The following NMNAT2 variants were observed in gnomAD, a reference collection of about 807,000 sequenced individuals.
The protein encoded by NMNAT2 is nicotinamide nucleotide adenylyltransferase 2.
In NMNAT2, 11 loss-of-function variants were observed where a neutral mutation model predicts 41.6. That is an observed-to-expected ratio of 0.26 (90% CI 0.17 to 0.44). NMNAT2 has a LOEUF of 0.44. Among genes scored for constraint, NMNAT2 ranks in the 20% least tolerant of loss-of-function variants. NMNAT2 has a pLI of 1.00. For synonymous variants in NMNAT2, 148 were observed against 151.2 expected (o/e 0.98, Z 0.16); for missense variants, 288 against 407.7 (o/e 0.71, Z 2.53).
intron 8 of NMNAT2, among the ~76,000 whole-genome samples, chr1:183,263,786 T>C (rs1452668675): frequency 6.9e-6 from 1 of 145,754 alleles, no homozygotes; most frequent in Non-Finnish European, 1.5e-5. Flanking sequence ...CCAGCCTGGG[T>C]GACAGAGCGA....
intron 8 of NMNAT2, among the ~76,000 whole-genome samples, chr1:183,261,641 T>G (rs1038486832): frequency 1.3e-5 from 2 of 152,194 alleles, no homozygotes; most frequent in African/African-American, 4.8e-5. Context: ...ATGAATGACA[T>G]TGCGTCCTTA....
At chr1:183,370,005 A>T (rs916257737) in intron 1 of NMNAT2, among the ~76,000 whole-genome samples, 1 of 152,040 alleles carries the variant, frequency 6.6e-6, no homozygotes, top group South Asian at 2.1e-4. Flanking sequence ...CCGCTAGGTC[A>T]TGCTAAAGAG....
intron 1 of NMNAT2, among the ~76,000 whole-genome samples, chr1:183,383,678 G>A (rs183104235): frequency 1.3e-5 from 2 of 152,234 alleles, no homozygotes; most frequent in East Asian, 3.9e-4. Context: ...AAATCCCTAG[G>A]GCAGGGGCAC....
At chr1:183,401,573 C>T (rs1364384568) in intron 1 of NMNAT2, among the ~76,000 whole-genome samples, 1 of 151,968 alleles carries the variant, frequency 6.6e-6, no homozygotes, top group Non-Finnish European at 1.5e-5. Flanking sequence ...GGGTGTATAC[C>T]CAAAGGAATA....
chr1:183,315,778 TAAAAA>T (rs11454305), intron 1 of NMNAT2, among the ~76,000 whole-genome samples: 1 of 125,916 alleles, frequency 7.9e-6, no homozygotes. Flanking sequence ...AGACTCCGTG[TAAAAA>T]AAAAAAAAAA....
chr1:183,312,869 G>A (rs1163971623), intron 1 of NMNAT2, among the ~76,000 whole-genome samples: 1 of 152,198 alleles, frequency 6.6e-6, no homozygotes, highest in Non-Finnish European at 1.5e-5. Flanking sequence ...GCATGGACAG[G>A]TTCAACTGCA....
chr1:183,378,119 C>T (rs10911321), intron 1 of NMNAT2, among the ~76,000 whole-genome samples: 23,098 of 152,042 alleles, frequency 0.15, 1,969 homozygotes, highest in South Asian at 0.25. Context: ...AGTCTGGGTG[C>T]GGTGGCTCAC....
chr1:183,275,473 C>T (rs1661099020), intron 8 of NMNAT2, among the ~76,000 whole-genome samples: 1 of 151,726 alleles, frequency 6.6e-6, no homozygotes, highest in Non-Finnish European at 1.5e-5. Flanking sequence ...CTGAAGCAAG[C>T]TTGGGAGTCT....
At chr1:183,293,821 A>G (rs773091691) in intron 1 of NMNAT2, 28 bp from the exon 2 acceptor site, 3 of 1,513,538 alleles carry the variant, frequency 2.0e-6, no homozygotes, top group Non-Finnish European at 2.8e-6. Flanking sequence ...CCCACACATT[A>G]TAAAGAGGAA....
rs750132470 is a variant in NMNAT2 at position 183,394,096 on chromosome 1, C to T, written c.85+24087G>A. On this transcript the variant is annotated intron_variant, in intron 1 of 10. Transcript: ENST00000287713. ...GTTGATGAGAAGCATAGCAAGTGAGCTATGTTTGAGATGCCCACTAATAAC... is the reference window on the plus strand; with the variant it reads ...GTTGATGAGAAGCATAGCAAGTGAGTTATGTTTGAGATGCCCACTAATAAC... Among the ~76,000 whole-genome samples, 12 of 152,190 alleles carry T rather than the reference C, an allele frequency of 7.9e-5. No individual in the cohort carries two copies. In the East Asian group the frequency reaches 2.3e-3, roughly 29 times the overall value.
intron 8 of NMNAT2, among the ~76,000 whole-genome samples, chr1:183,269,915 G>C (rs941729156): frequency 6.6e-6 from 1 of 151,826 alleles, no homozygotes; most frequent in African/African-American, 2.4e-5. Context: ...ACAGAGTCTC[G>C]CTCTGTAGCC....
At chr1:183,291,340 G>T (rs1308905175) in intron 3 of NMNAT2, among the ~76,000 whole-genome samples, 2 of 152,070 alleles carry the variant, frequency 1.3e-5, no homozygotes, top group African/African-American at 4.8e-5. Flanking sequence ...AACCCTTAGA[G>T]AGTCAGCTTG....
intron 7 of NMNAT2, 22 bp downstream of exon 7, chr1:183,283,973 G>A (rs746548108): frequency 6.8e-6 from 11 of 1,612,672 alleles, no homozygotes; most frequent in African/African-American, 4.0e-5. Flanking sequence ...CCCATTTTCC[G>A]CACTTTCGCA....
At chr1:183,389,814 A>C (rs1220632841) in intron 1 of NMNAT2, among the ~76,000 whole-genome samples, 1 of 84,630 alleles carries the variant, frequency 1.2e-5, no homozygotes, top group African/African-American at 3.8e-5. Context: ...GAAAGAAAGA[A>C]AGAAAGAAAG....
chr1:183,380,345 G>A (rs1430389622), intron 1 of NMNAT2, among the ~76,000 whole-genome samples: 1 of 151,154 alleles, frequency 6.6e-6, no homozygotes, highest in Non-Finnish European at 1.5e-5. Context: ...TTTTTCTTTT[G>A]CTATGGTTTT....
At position 183,370,223 on chromosome 1, in the gene NMNAT2, T is replaced by TGCACACAC. The variant is rs1428584382; in HGVS notation, c.85+47959_85+47960insGTGTGTGC. Among the ~76,000 whole-genome samples the TGCACACAC allele has an allele frequency of 8.9e-5, 10 of 112,822 alleles. No homozygotes were observed. In the East Asian group the frequency reaches 1.3e-3, roughly 15 times the overall value. The allele number at this position is 112,822 out of a possible 152,430, so 74.0% of individuals were successfully genotyped here. ...ACTTCCTACCACTACTATCAACACA[T>TGCACACAC]ACACACACACACACACACACACACA... On this transcript the variant is annotated intron_variant, in intron 1 of 10. Coordinates refer to ENST00000287713, the MANE Select transcript of NMNAT2 (RefSeq NM_015039.4).
chr1:183,321,704 A>C (rs998376821), intron 1 of NMNAT2, among the ~76,000 whole-genome samples: 2 of 152,112 alleles, frequency 1.3e-5, no homozygotes, highest in Non-Finnish European at 2.9e-5. Context: ...ACTGCACTTC[A>C]GCCTGGGCAA....
rs549191 is a variant in NMNAT2 at position 183,251,802 on chromosome 1, A to G, written c.*839T>C. The G allele has an allele frequency of 0.28, 43,374 of 157,018 alleles. 7,595 individuals carry two copies. Among genetic ancestry groups the G allele is most frequent in the African/African-American group, 0.49 (20,156 of 41,550 alleles). The allele number at this position is 157,018 out of a possible 1,614,324, so 9.7% of individuals were successfully genotyped here. A position where few individuals can be genotyped will look rare whatever the true frequency, so the allele number is the denominator to read the frequency against. ...ATTATTCTGAGAAAACCGACTATTC[A>G]CAGACTCGTGTCCCAGGTTTCAGAA... On this transcript the variant is annotated 3_prime_UTR_variant, in exon 11 of 11. Coordinates refer to ENST00000287713, the MANE Select transcript of NMNAT2 (RefSeq NM_015039.4).
intron 1 of NMNAT2, among the ~76,000 whole-genome samples, chr1:183,299,209 T>C (rs554351809): frequency 6.6e-6 from 1 of 152,028 alleles, no homozygotes; most frequent in South Asian, 2.1e-4. Context: ...CCGTCTATAC[T>C]AAAAATACAA....
Sources: allele counts gnomAD v4.1 joint callset (sites outside exome capture counted in the v4.1 genomes callset), GRCh38; gene constraint gnomAD v4.1.1; transcripts MANE v1.5; gene names NCBI Gene and HGNC (gene_info 2026-07-23, HGNC 2026-07-21).